PCNT: variants seen among roughly 807,000 people sequenced by gnomAD.
PCNT encodes kendrin.
In PCNT, 319 loss-of-function variants were observed where a neutral mutation model predicts 380.4. The ratio of observed to expected loss-of-function variants is 0.84; its 90% confidence interval spans 0.77 to 0.92. The LOEUF (loss-of-function observed/expected upper bound fraction) is 0.92, where lower values mean the gene tolerates loss of function less well. Among genes scored for constraint, PCNT ranks in the 40% least tolerant of loss-of-function variants. The pLI is 0.00. For missense variants in PCNT, 4,400 were observed against 4,255.3 expected, an observed-to-expected ratio of 1.03 and a Z score of -0.95; for synonymous variants, 1,845 against 1,735.2, an observed-to-expected ratio of 1.06 and a Z score of -1.57.
rs369123912 is a variant in PCNT, at chr21:46,351,448, C to T, written c.1364C>T (p.Ser455Leu). The change falls in exon 9 of 47, where the codon TCA becomes TTA. Residue 455 changes from serine (S) to leucine (L), a missense_variant. Coordinates refer to ENST00000359568, the MANE Select transcript of PCNT (RefSeq NM_006031.6). The part of the protein sequence containing the change: ...KQLELENLQA[S>L]YEDLKAQSQE... ...TTCCAGTTAGAGAATCTTCAAGCAT[C>T]ATATGAAGACCTGAAGGCACAATCA... The T allele has an allele frequency of 1.4e-5, 22 of 1,606,296 alleles. No individual in the cohort carries two copies. The highest frequency in any genetic ancestry group is 1.8e-5 in the Non-Finnish European group (21 of 1,172,976).
chr21:46,377,313 G>A (rs2085360499), intron 15 of PCNT, among the ~76,000 whole-genome samples: 1 of 152,234 alleles, frequency 6.6e-6, no homozygotes, highest in Non-Finnish European at 1.5e-5. Flanking sequence ...CGGAGCAGCA[G>A]GTCCCACTGC....
chr21:46,375,790 G>A (rs1035925374), intron 15 of PCNT, among the ~76,000 whole-genome samples: 2 of 152,234 alleles, frequency 1.3e-5, no homozygotes, highest in African/African-American at 2.4e-5. Context: ...GCGGGGAGCC[G>A]CCTCATTTGG....
intron 27 of PCNT, among the ~76,000 whole-genome samples, chr21:46,409,636 G>T (rs1380412277): frequency 6.6e-6 from 1 of 152,096 alleles, no homozygotes; most frequent in Non-Finnish European, 1.5e-5. Flanking sequence ...ATCTTGCTCT[G>T]TCGCCCAGGC....
At chr21:46,381,585 C>T in intron 15 of PCNT, 109 bp from the exon 16 acceptor site, 2 of 999,372 alleles carry the variant, frequency 2.0e-6, no homozygotes, top group Non-Finnish European at 3.2e-6. Flanking sequence ...GCTCTTGGTG[C>T]AGAGTGGGGG....
chr21:46,394,090 T>G (rs1177779952), intron 21 of PCNT, among the ~76,000 whole-genome samples: 2 of 152,226 alleles, frequency 1.3e-5, no homozygotes, highest in Non-Finnish European at 2.9e-5. Flanking sequence ...CACTCTGGTT[T>G]GTTTTCTTTC....
rs2086002641 is a variant in PCNT, at chr21:46,390,685, C to T, written c.3856C>T (p.Gln1286Ter). The T allele has an allele frequency of 6.2e-7, 1 of 1,613,934 alleles. No homozygotes were observed. The highest frequency in any genetic ancestry group is 1.7e-5 in the Admixed American group (1 of 60,008). Residue 1286 changes from glutamine (Q) to a stop codon, truncating the protein, a stop_gained, in exon 20 of 47, where the codon CAA becomes TAA. Transcript: ENST00000359568. LOFTEE classifies it high-confidence loss of function. ...GTTTTAACAGCTGGAAGAAGCACGC[C>T]AAATTCATTCTCGTTTTGAAAAAGA... ...DSSRQLEEAR[Q>*]IHSRFEKEFS...
chr21:46,436,755 G>T (rs1005986027), intron 39 of PCNT, among the ~76,000 whole-genome samples: 1 of 152,142 alleles, frequency 6.6e-6, no homozygotes, highest in African/African-American at 2.4e-5. Flanking sequence ...GTGCTCGGTG[G>T]CGCGCCTCCC....
intron 21 of PCNT, among the ~76,000 whole-genome samples, chr21:46,392,887 CTTTTA>C (rs753618299): frequency 3.3e-5 from 5 of 152,104 alleles, no homozygotes; most frequent in Non-Finnish European, 7.4e-5. Context: ...TTTTCTTGTC[CTTTTA>C]TTTTAAGTCT....
intron 20 of PCNT, 72 bp downstream of exon 20, chr21:46,390,904 G>A: frequency 6.7e-7 from 1 of 1,496,578 alleles, no homozygotes; most frequent in Non-Finnish European, 9.1e-7. Flanking sequence ...CTGAGGGAAG[G>A]AAGCCTTCAG....
intron 34 of PCNT, among the ~76,000 whole-genome samples, chr21:46,428,068 C>G (rs1462628771): frequency 6.6e-6 from 1 of 152,202 alleles, no homozygotes; most frequent in Non-Finnish European, 1.5e-5. Context: ...TTCTCCATTC[C>G]AAGTAGCCCC....
Position 46,432,040 on chromosome 21 carries a change from G to A in PCNT, c.8576G>A (p.Cys2859Tyr), listed in dbSNP as rs1601189785. Residue 2859 changes from cysteine (C) to tyrosine (Y), a missense_variant, in exon 38 of 47, where the codon TGC becomes TAC. Coordinates refer to ENST00000359568, the MANE Select transcript of PCNT (RefSeq NM_006031.6). ...CACACCCAAAAACGAGAGCTGAGAT[G>A]CTCTCTGGAGAGAGAGAGGGAGAAA... is the stretch of plus-strand genomic sequence containing the variant. ...ALHTQKRELR[C>Y]SLEREREKPA... is the part of the protein sequence containing the mutation. 6.2e-7 allele frequency: 1 copy of A among 1,613,954 alleles called. No homozygotes were observed. The highest frequency in any genetic ancestry group is 8.5e-7 in the Non-Finnish European group (1 of 1,180,040).
Position 46,425,951 on chromosome 21 carries a change from C to A in PCNT, c.7300C>A (p.Leu2434Ile), listed in dbSNP as rs112633352. 90 of 1,614,098 alleles carry A rather than the reference C, an allele frequency of 5.6e-5. 2 individuals carry two copies. The Middle Eastern group carries it at 2.0e-3, about 36-fold the overall frequency. The change falls in exon 33 of 47, where the codon CTC (leucine) becomes ATC (isoleucine). Residue 2434 changes from leucine to isoleucine, a missense_variant. Leu to Ile is a conservative substitution (Grantham distance 5). Coordinates refer to ENST00000359568, the MANE Select transcript of PCNT (RefSeq NM_006031.6). This position sits in a 1 kb window ranked among gnomAD's most constrained non-coding sequence, Gnocchi z 4.2. The part of the protein sequence containing the change: ...RKEDEIQDIS[L>I]HGGKTQEVPT... ...GGAAGACGAGATACAGGACATCTCGCTCCATGGGGGAAAGACGCAGGTTTA... is the reference window on the plus strand; with the variant it reads ...GGAAGACGAGATACAGGACATCTCGATCCATGGGGGAAAGACGCAGGTTTA...
At chr21:46,430,276 C>G (rs755095893) in intron 36 of PCNT, 44 bp downstream of exon 36, 3 of 1,551,522 alleles carry the variant, frequency 1.9e-6, no homozygotes, top group South Asian at 1.1e-5. Context: ...GGAGTCCCCC[C>G]GTTGTGCCAT....
chr21:46,444,555 C>T, intron 45 of PCNT, 139 bp from the exon 46 acceptor site: 1 of 832,418 alleles, frequency 1.2e-6, no homozygotes, highest in South Asian at 1.5e-5. Flanking sequence ...AGGAAACGGC[C>T]CCAGAGTCAC....
At chr21:46,340,968 C>CTT (rs2083896022) in intron 3 of PCNT, among the ~76,000 whole-genome samples, 2 of 151,994 alleles carry the variant, frequency 1.3e-5, no homozygotes, top group South Asian at 4.2e-4. Context: ...ACTGCAACCT[C>CTT]TGCCTCCCAG....
chr21:46,400,512 CTTTTTTTTTTTT>C (rs1215264897), intron 25 of PCNT, among the ~76,000 whole-genome samples: 2 of 84,540 alleles, frequency 2.4e-5, no homozygotes, highest in Non-Finnish European at 4.5e-5. Flanking sequence ...GTGTCTGATT[CTTTTTTTTTTTT>C]TTTTTTTTTT....
rs542223432 is a variant in PCNT, at chr21:46,432,807, A to G, written c.8751+592A>G. Among the ~76,000 whole-genome samples the G allele has an allele frequency of 2.0e-5, 3 of 152,124 alleles. No individual in the cohort carries two copies. The East Asian group carries it at 5.8e-4, about 30-fold the overall frequency. On this transcript the variant is annotated intron_variant, in intron 38 of 46. Transcript: ENST00000359568. ...GCCTGGCTAATTTTTGGATTAGTAG[A>G]GACAGGGTTTTCCATGTTGGCCAGG...
At chr21:46,424,254 A>T (rs1277005610) in intron 32 of PCNT, among the ~76,000 whole-genome samples, 2 of 152,340 alleles carry the variant, frequency 1.3e-5, no homozygotes, top group East Asian at 3.9e-4. Context: ...CGTGCCTGGA[A>T]TTGAGCCATA....
intron 3 of PCNT, among the ~76,000 whole-genome samples, chr21:46,336,347 T>C (rs2083735001): frequency 6.6e-6 from 1 of 152,182 alleles, no homozygotes; most frequent in Non-Finnish European, 1.5e-5. Flanking sequence ...GCACAGTCTC[T>C]GGTGGGTTCT....
Sources: allele counts gnomAD v4.1 joint callset (sites outside exome capture counted in the v4.1 genomes callset), GRCh38; gene constraint gnomAD v4.1.1; non-coding constraint Gnocchi (gnomAD v3.1); transcripts MANE v1.5; gene names NCBI Gene and HGNC (gene_info 2026-07-23, HGNC 2026-07-21).